Variants in GAB1 observed in about 807,000 individuals in gnomAD.
The protein encoded by GAB1 is GRB2-associated-binding protein 1.
Under a neutral mutation model 66.5 loss-of-function variants are expected in GAB1, and 19 were observed. That is an observed-to-expected ratio of 0.29 (90% confidence interval 0.20 to 0.42). GAB1 has a LOEUF of 0.42. GAB1 is among the 10% of genes least tolerant of loss of function. The probability of loss-of-function intolerance (pLI) is 1.00; values close to 1 mark genes in which losing one functional copy is unlikely to be tolerated. For missense variants in GAB1, 732 were observed against 858.5 expected (o/e 0.85, Z 1.84); for synonymous variants, 294 against 301.4 (o/e 0.98, Z 0.25).
chr4:143,349,506 A>T, intron 1 of GAB1: 1 of 1,534,502 alleles, frequency 6.5e-7, no homozygotes, highest in Non-Finnish European at 8.9e-7. Flanking sequence ...CATCGATACC[A>T]GCCATCATGA....
intron 9 of GAB1, among the ~76,000 whole-genome samples, chr4:143,467,207 C>G (rs531303816): frequency 6.6e-6 from 1 of 152,202 alleles, no homozygotes; most frequent in Non-Finnish European, 1.5e-5. Flanking sequence ...AAGATACTAT[C>G]CCACTACTGT....
Position 143,451,822 on chromosome 4 carries a change from T to C in GAB1, c.1586-7563T>C, listed in dbSNP as rs553740058. Among the ~76,000 whole-genome samples the C allele has an allele frequency of 2.4e-4, 36 of 151,922 alleles. No homozygotes were observed. In the South Asian group the frequency reaches 7.5e-3, roughly 32 times the overall value. ...TGGAAGTTTTGAGGCACTTGGAGTA[T>C]AAGCGGAACTCATACAGCCATACAG... On this transcript the variant is annotated intron_variant, in intron 6 of 9. Coordinates refer to ENST00000262994, the MANE Select transcript of GAB1 (RefSeq NM_002039.4).
At chr4:143,438,690 T>C (rs966423930) in intron 4 of GAB1, 90 bp downstream of exon 4, 1 of 1,329,962 alleles carries the variant, frequency 7.5e-7, no homozygotes, top group Admixed American at 2.1e-5. Flanking sequence ...TAGTTAAATA[T>C]ACTATGCTAC....
At chr4:143,360,555 A>G (rs1729622606) in intron 1 of GAB1, among the ~76,000 whole-genome samples, 1 of 152,204 alleles carries the variant, frequency 6.6e-6, no homozygotes, top group African/African-American at 2.4e-5. Flanking sequence ...GAAGGAAAAA[A>G]AGGTGAATGA....
intron 2 of GAB1, chr4:143,417,349 C>CTA (rs138933565): frequency 0.031 from 11,851 of 379,524 alleles, 345 homozygotes; most frequent in Non-Finnish European, 0.04. Context: ...AGCTGAGTGA[C>CTA]TAGAGGGCTC....
At chr4:143,375,184 G>A (rs1730360416) in intron 1 of GAB1, among the ~76,000 whole-genome samples, 1 of 152,208 alleles carries the variant, frequency 6.6e-6, no homozygotes, top group Non-Finnish European at 1.5e-5. Context: ...CTGAGCTCAG[G>A]CGATGTGCCC....
chr4:143,443,728 A>G (rs1022238607), intron 6 of GAB1, among the ~76,000 whole-genome samples: 1 of 152,184 alleles, frequency 6.6e-6, no homozygotes, highest in Non-Finnish European at 1.5e-5. Context: ...ATTGCCCTAT[A>G]TGTCTGGTTT....
At chr4:143,355,087 C>T (rs1729390403) in intron 1 of GAB1, among the ~76,000 whole-genome samples, 1 of 152,066 alleles carries the variant, frequency 6.6e-6, no homozygotes, top group Non-Finnish European at 1.5e-5. Flanking sequence ...ATTGAAATAC[C>T]TCAAGGAGAA....
intron 1 of GAB1, among the ~76,000 whole-genome samples, chr4:143,350,678 CAAA>C (rs34098103): frequency 5.6e-5 from 5 of 88,512 alleles, no homozygotes; most frequent in Non-Finnish European, 6.6e-5. Flanking sequence ...AACTCCGTCT[CAAA>C]AAAAAAAAAA....
chr4:143,373,531 C>G (rs1227646032), intron 1 of GAB1, among the ~76,000 whole-genome samples: 1 of 151,940 alleles, frequency 6.6e-6, no homozygotes, highest in Admixed American at 6.6e-5. Context: ...CTAGGCTTAA[C>G]AAAAAACATA....
At position 143,337,938 on chromosome 4, in the gene GAB1, G is replaced by T. The variant is rs190891068; in HGVS notation, c.72+678G>T. On this transcript the variant is annotated intron_variant, in intron 1 of 9. Coordinates refer to ENST00000262994, the MANE Select transcript of GAB1 (RefSeq NM_002039.4). Reference sequence around the variant, plus strand: ...GGTTTGCTGCGAGAGGAGGGCGCTGGGGGGGAGCCTAGTGGCTGGTGTTTG... The same window carrying T: ...GGTTTGCTGCGAGAGGAGGGCGCTGTGGGGGAGCCTAGTGGCTGGTGTTTG... Among the ~76,000 whole-genome samples the T allele has an allele frequency of 3.3e-5, 5 of 152,294 alleles. No homozygotes were observed. In the East Asian group the frequency reaches 5.8e-4, roughly 18 times the overall value.
Position 143,337,262 on chromosome 4 carries a change from TA to T in GAB1, c.72+4del. On this transcript the variant is annotated splice_donor_region_variant and intron_variant, in intron 1 of 9. Transcript: ENST00000262994. The stretch of plus-strand genomic sequence containing the variant: ...CCGGAGAAAAAGTTGAAGCGTTATG[TA>T]AGTAGAGCTGCGGGCACCACTCCGC... The T allele has an allele frequency of 6.4e-7, 1 of 1,573,454 alleles. No individual in the cohort carries two copies. Among genetic ancestry groups the T allele is most frequent in the South Asian group, 1.2e-5 (1 of 85,928 alleles).
At chr4:143,451,352 AAGTACCAAAGGAGGGACG>A (rs1313702114) in intron 6 of GAB1, among the ~76,000 whole-genome samples, 1 of 152,090 alleles carries the variant, frequency 6.6e-6, no homozygotes, top group East Asian at 1.9e-4. Context: ...GGAGGGAGGA[AAGTACCAAAGGAGGGACG>A]AATGCCAGAT....
intron 8 of GAB1, among the ~76,000 whole-genome samples, chr4:143,461,291 T>C (rs2149792594): frequency 6.6e-6 from 1 of 152,340 alleles, no homozygotes; most frequent in Middle Eastern, 3.4e-3. Flanking sequence ...TATTTGTGAC[T>C]CAAGAGAGAA....
At chr4:143,446,400 A>G (rs1458991706) in intron 6 of GAB1, among the ~76,000 whole-genome samples, 3 of 152,136 alleles carry the variant, frequency 2.0e-5, no homozygotes, top group Non-Finnish European at 2.9e-5. Context: ...ACTAGTTTAC[A>G]GTCCCACCAA....
chr4:143,448,255 T>C (rs1043330446), intron 6 of GAB1, among the ~76,000 whole-genome samples: 4 of 151,986 alleles, frequency 2.6e-5, no homozygotes, highest in African/African-American at 4.9e-5. Flanking sequence ...AATTCTCTTT[T>C]TTTGGTTGTG....
At chr4:143,461,624 A>T (rs970499915) in intron 8 of GAB1, among the ~76,000 whole-genome samples, 1 of 152,230 alleles carries the variant, frequency 6.6e-6, no homozygotes, top group Non-Finnish European at 1.5e-5. Context: ...TAGAAAACAT[A>T]GACTTAGATC....
intron 2 of GAB1, among the ~76,000 whole-genome samples, chr4:143,432,596 A>AAC: frequency 6.9e-6 from 1 of 145,662 alleles, no homozygotes. Context: ...GTTCTATAAT[A>AAC]ACAAATTTTA....
At chr4:143,387,909 C>T (rs1017981382) in intron 1 of GAB1, among the ~76,000 whole-genome samples, 1 of 152,122 alleles carries the variant, frequency 6.6e-6, no homozygotes, top group African/African-American at 2.4e-5. Context: ...CTTGTGCCTG[C>T]GCTGTACTTT....
Sources: gnomAD v4.1 joint callset for allele counts (sites outside exome capture counted in the v4.1 genomes callset) on GRCh38, gnomAD v4.1.1 for gene constraint, MANE v1.5 for transcripts, NCBI Gene and HGNC (gene_info 2026-07-23, HGNC 2026-07-21) for gene names.